The following ARHGAP29 variants were observed in gnomAD, a reference collection of about 807,000 sequenced individuals.
The protein encoded by ARHGAP29 is rho GTPase-activating protein 29.
In ARHGAP29, 43 loss-of-function variants were observed where a neutral mutation model predicts 122.6. The observed-to-expected ratio is 0.35, with a 90% CI of 0.27 to 0.45. ARHGAP29 has a LOEUF of 0.45. ARHGAP29 is among the 20% of genes least tolerant of loss of function. The probability of loss-of-function intolerance (pLI) is 1.00; values close to 1 mark genes in which losing one functional copy is unlikely to be tolerated. For missense variants in ARHGAP29, 1,303 were observed against 1,477.2 expected (o/e 0.88, Z 1.93); for synonymous variants, 506 against 497.1 (o/e 1.02, Z -0.24).
At chr1:94,283,381 C>T in the ARHGAP29 span, among the ~76,000 whole-genome samples, 2 of 152,118 alleles carry the variant, frequency 1.3e-5, no homozygotes, top group South Asian at 2.1e-4. Context: ...AGGTGCTACC[C>T]TTGTGACTCC....
upstream of ARHGAP29, among the ~76,000 whole-genome samples, chr1:94,277,395 A>C (rs1235449108): frequency 6.6e-6 from 1 of 152,204 alleles, no homozygotes; most frequent in East Asian, 1.9e-4. Context: ...GCTGTACTGA[A>C]TGAGACAGTT....
intron 18 of ARHGAP29, among the ~76,000 whole-genome samples, 179 bp downstream of exon 18, chr1:94,184,693 G>A (rs1649685263): frequency 6.6e-6 from 1 of 152,130 alleles, no homozygotes; most frequent in African/African-American, 2.4e-5. Flanking sequence ...GGTCAAGGCT[G>A]CAGTGAGCAG....
chr1:94,205,154 T>C lies in ARHGAP29; in HGVS notation c.604A>G (p.Thr202Ala), dbSNP rs1397706869. 3.1e-6 allele frequency: 5 copies of C among 1,608,800 alleles called. No homozygotes were observed. In the Admixed American group the frequency reaches 5.1e-5, roughly 16 times the overall value. ...LELDNVLLKN[T>A]DSIELALSYA... Reference sequence around the variant, plus strand: ...GACAAAGCCAGCTCGATAGAGTCAGTGTTCTTTAACAGCACGTTGTCTAGT... The same window carrying C: ...GACAAAGCCAGCTCGATAGAGTCAGCGTTCTTTAACAGCACGTTGTCTAGT... The change falls in exon 7 of 23, where the codon ACT (threonine) becomes GCT (alanine). Residue 202 changes from threonine to alanine, a missense_variant. Thr to Ala is a moderately conservative substitution (Grantham distance 58). Transcript: ENST00000260526.
intron 7 of ARHGAP29, 138 bp from the exon 8 acceptor site, chr1:94,204,132 A>C: frequency 2.0e-6 from 1 of 509,634 alleles, no homozygotes; most frequent in Non-Finnish European, 3.2e-6. Context: ...ATACAGCAAT[A>C]CTTCTTTCTT....
chr1:94,198,817 T>G (rs1425247766), intron 12 of ARHGAP29, among the ~76,000 whole-genome samples: 2 of 151,714 alleles, frequency 1.3e-5, no homozygotes, highest in African/African-American at 4.8e-5. Context: ...TTGGCAAGAG[T>G]TTTTTGGAGA....
chr1:94,203,954 T>C lies in ARHGAP29; in HGVS notation c.738A>G (p.Ala246=). Residue 246 remains alanine (A), a synonymous_variant, in exon 8 of 23, where the codon GCA becomes GCG. Coordinates refer to ENST00000260526, the MANE Select transcript of ARHGAP29 (RefSeq NM_004815.4). ...CCTGAATTCCAATGTTAGTTCTAGT[T>C]GCCTCTGCCAACTTGACCATATTTC... The part of the protein sequence containing the change: ...STRNMVKLAE[A]TRTNIGIQEF... The C allele has an allele frequency of 6.2e-7, 1 of 1,613,972 alleles. No individual in the cohort carries two copies. The highest frequency in any genetic ancestry group is 1.1e-5 in the South Asian group (1 of 91,070).
chr1:94,239,217 A>T (rs1653479085), upstream of ARHGAP29, among the ~76,000 whole-genome samples: 2 of 152,212 alleles, frequency 1.3e-5, no homozygotes, highest in Non-Finnish European at 2.9e-5. Context: ...TCCCCAGGCC[A>T]AGGGGAGGCT....
intron 1 of ARHGAP29, among the ~76,000 whole-genome samples, chr1:94,236,131 T>C (rs1206776179): frequency 6.6e-6 from 1 of 152,224 alleles, no homozygotes; most frequent in African/African-American, 2.4e-5. Context: ...ATTAAATCTT[T>C]ATGGTTTTAA....
chr1:94,306,863 G>A, the ARHGAP29 span, among the ~76,000 whole-genome samples: 204 of 152,188 alleles, frequency 1.3e-3, 1 homozygote, highest in South Asian at 0.01. Context: ...GTGTAACATG[G>A]TAAAAAATAT....
At chr1:94,189,867 A>C in intron 13 of ARHGAP29, 59 bp downstream of exon 13, 2 of 1,545,094 alleles carry the variant, frequency 1.3e-6, no homozygotes, top group Non-Finnish European at 8.9e-7. Context: ...ACTAGATAGA[A>C]ACTTAACAAT....
chr1:94,173,388 T>C lies in ARHGAP29; in HGVS notation c.*481A>G, dbSNP rs540224312. The stretch of plus-strand genomic sequence containing the variant: ...TTAAAAAAGCACAAATGGTGAAAGA[T>C]GCACTATAAAATTGTGTGACAAAAC... On this transcript the variant is annotated 3_prime_UTR_variant, in exon 23 of 23. Transcript: ENST00000260526. 3.9e-5 allele frequency: 6 copies of C among 153,470 alleles called. No individual in the cohort carries two copies. The highest frequency in any genetic ancestry group is 1.4e-4 in the African/African-American group (6 of 41,588). The allele number at this position is 153,470 out of a possible 1,614,324, so 9.5% of individuals were successfully genotyped here. A position where few individuals can be genotyped will look rare whatever the true frequency, so the allele number is the denominator to read the frequency against.
Position 94,171,905 on chromosome 1 carries a change from G to A in ARHGAP29, c.*1964C>T, listed in dbSNP as rs1245387922. ...GATAATGTTCTGGAGATGAATAGGT[G>A]CTCATGGTTGCAAAACAATGTGAAT... On this transcript the variant is annotated 3_prime_UTR_variant, in exon 23 of 23. Coordinates refer to ENST00000260526, the MANE Select transcript of ARHGAP29 (RefSeq NM_004815.4). 1.3e-5 allele frequency: 2 copies of A among 152,136 alleles called. No individual in the cohort carries two copies. The highest frequency in any genetic ancestry group is 2.4e-5 in the African/African-American group (1 of 41,430). 9.4% of individuals were successfully genotyped at this position (152,136 alleles called of 1,614,324 possible).
At chr1:94,257,466 G>A (rs1205592291) in intron 1 of ARHGAP29, among the ~76,000 whole-genome samples, 1 of 152,132 alleles carries the variant, frequency 6.6e-6, no homozygotes, top group African/African-American at 2.4e-5. Context: ...TCAGCACTTT[G>A]GGAGGCTAAA....
upstream of ARHGAP29, among the ~76,000 whole-genome samples, chr1:94,279,841 G>A (rs1339320955): frequency 6.6e-6 from 1 of 152,020 alleles, no homozygotes; most frequent in Non-Finnish European, 1.5e-5. Context: ...TCATTCTGTT[G>A]GGACTTTGAT....
chr1:94,262,668 A>G (rs769988002), intron 1 of ARHGAP29, among the ~76,000 whole-genome samples: 2 of 152,224 alleles, frequency 1.3e-5, no homozygotes, highest in Admixed American at 6.5e-5. Flanking sequence ...ATCACTGATC[A>G]CTAGAGAAAT....
Position 94,219,806 on chromosome 1 carries a change from A to C in ARHGAP29, c.340+452T>G, listed in dbSNP as rs141350990. 2.9e-3 allele frequency among the ~76,000 whole-genome samples: 443 copies of C among 152,324 alleles called. 1 individual carries two copies. The highest frequency in any genetic ancestry group is 4.7e-3 in the Non-Finnish European group (318 of 68,028). On this transcript the variant is annotated intron_variant, in intron 3 of 22. Transcript: ENST00000260526. ...ACACCCATACATATATGATAAACTT[A>C]TTTTACAATTTTAATTTCATTTTCA... is the stretch of plus-strand genomic sequence containing the variant.
At chr1:94,187,069 A>C (rs1649850068) in intron 15 of ARHGAP29, among the ~76,000 whole-genome samples, 1 of 152,222 alleles carries the variant, frequency 6.6e-6, no homozygotes, top group Non-Finnish European at 1.5e-5. Flanking sequence ...GTAACATCAC[A>C]TTTATGTTAC....
Position 94,174,629 on chromosome 1 carries a change from T to C in ARHGAP29, c.3026A>G (p.His1009Arg), listed in dbSNP as rs1648973385. ...SDRSTNNVER[H>R]TPRTKIRPVS... ...AGGTCTAATCTTGGTCCTTGGAGTA[T>C]GCCTCTCCACATTGTTTGTTGACCT... The change falls in exon 23 of 23, where the codon CAT becomes CGT. Residue 1009 changes from histidine (H) to arginine (R), a missense_variant. This residue lies in a region of ARHGAP29 where 620 missense variants were observed against 651.2 expected (regional missense o/e 0.95). Coordinates refer to ENST00000260526, the MANE Select transcript of ARHGAP29 (RefSeq NM_004815.4). 6.2e-7 allele frequency: 1 copy of C among 1,614,016 alleles called. No individual in the cohort carries two copies. The highest frequency in any genetic ancestry group is 8.5e-7 in the Non-Finnish European group (1 of 1,180,036).
At chr1:94,240,673 C>T (rs1653540255), upstream of ARHGAP29, among the ~76,000 whole-genome samples, 1 of 152,084 alleles carries the variant, frequency 6.6e-6, no homozygotes, top group East Asian at 1.9e-4. Flanking sequence ...TGTGTTTTTA[C>T]CATTTATATT....
Sources: gnomAD v4.1 joint callset for allele counts (sites outside exome capture counted in the v4.1 genomes callset) on GRCh38, gnomAD v4.1.1 for gene constraint, gnomAD v4.1.1 regional missense constraint, MANE v1.5 for transcripts, NCBI Gene and HGNC (gene_info 2026-07-23, HGNC 2026-07-21) for gene names.